The following SYN3 variants were observed in gnomAD, a reference collection of about 807,000 sequenced individuals.
SYN3 encodes the protein synapsin-3.
Under a neutral mutation model 65.8 loss-of-function variants are expected in SYN3, and 35 were observed. The ratio of observed to expected loss-of-function variants is 0.53; its 90% CI spans 0.41 to 0.70. The LOEUF (loss-of-function observed/expected upper bound fraction) is 0.70. Among genes scored for constraint, SYN3 ranks in the 30% least tolerant of loss-of-function variants. The pLI, the probability that SYN3 is intolerant of heterozygous loss-of-function variation, is 0.00. For synonymous variants in SYN3, 270 were observed against 292.9 expected, an observed-to-expected ratio of 0.92 and a Z score of 0.80; for missense variants, 680 against 749.0, an observed-to-expected ratio of 0.91 and a Z score of 1.08.
At chr22:32,673,532 G>A (rs757704525) in intron 6 of SYN3, among the ~76,000 whole-genome samples, 158 of 152,342 alleles carry the variant, frequency 1.0e-3, no homozygotes, top group Admixed American at 1.5e-3. Context: ...CAAGCCAACA[G>A]GCAGATCTGA....
Position 32,527,929 on chromosome 22 carries a change from G to T in SYN3, c.1307C>A (p.Pro436Gln). The change falls in exon 12 of 14, where the codon CCA becomes CAA. Residue 436 changes from proline (P) to glutamine (Q), a missense_variant. Coordinates refer to ENST00000358763, the MANE Select transcript of SYN3 (RefSeq NM_003490.4). ...GPQLGQPQPR[P>Q]PPQGGPRQAQ... is the part of the protein sequence containing the mutation. Reference sequence around the variant, plus strand: ...GTCCTGGGTCATACCTTGCGGAGGTGGGCGTGGCTGGGGCTGGCCTAGCTG... The same window carrying T: ...GTCCTGGGTCATACCTTGCGGAGGTTGGCGTGGCTGGGGCTGGCCTAGCTG... 1 of 1,590,094 alleles carries T rather than the reference G, an allele frequency of 6.3e-7. No individual in the cohort carries two copies. The highest frequency in any genetic ancestry group is 2.3e-5 in the East Asian group (1 of 43,566).
intron 4 of SYN3, among the ~76,000 whole-genome samples, chr22:32,896,643 A>G (rs1330728345): frequency 1.3e-5 from 2 of 152,238 alleles, no homozygotes; most frequent in Non-Finnish European, 2.9e-5. Flanking sequence ...GAACCAAATA[A>G]AATAGGAAAA....
chr22:32,687,938 T>G (rs2060613236), intron 6 of SYN3, among the ~76,000 whole-genome samples: 1 of 45,718 alleles, frequency 2.2e-5, no homozygotes, highest in South Asian at 1.2e-3. Flanking sequence ...ATCCTGTGAT[T>G]CCCCTTCACA....
At chr22:32,966,291 C>G (rs1474165654) in intron 3 of SYN3, among the ~76,000 whole-genome samples, 1 of 152,070 alleles carries the variant, frequency 6.6e-6, no homozygotes, top group Non-Finnish European at 1.5e-5. Flanking sequence ...GAATCTATGG[C>G]AAAATCTAAG....
At chr22:32,838,680 C>A in intron 6 of SYN3, among the ~76,000 whole-genome samples, 1 of 152,028 alleles carries the variant, frequency 6.6e-6, no homozygotes, top group East Asian at 1.9e-4. Context: ...TTTTACTTGT[C>A]CCTTCCTTTT....
chr22:32,811,478 T>C (rs2046913285), intron 6 of SYN3, among the ~76,000 whole-genome samples: 1 of 152,164 alleles, frequency 6.6e-6, no homozygotes, highest in African/African-American at 2.4e-5. Context: ...TCCAGGGTCA[T>C]ATAGAGAGAG....
chr22:32,630,912 A>C (rs1601799184), intron 6 of SYN3, among the ~76,000 whole-genome samples: 1 of 152,352 alleles, frequency 6.6e-6, no homozygotes, highest in Admixed American at 6.5e-5. Context: ...CCCACTGCTG[A>C]GCCTCTCAAA....
chr22:32,605,259 G>A (rs1470079101), intron 6 of SYN3, among the ~76,000 whole-genome samples: 1 of 152,120 alleles, frequency 6.6e-6, no homozygotes, highest in Non-Finnish European at 1.5e-5. Flanking sequence ...TCGAGTGGAA[G>A]GTTTGTTGGG....
intron 4 of SYN3, among the ~76,000 whole-genome samples, chr22:32,912,031 T>A (rs1016346123): frequency 6.6e-6 from 1 of 152,222 alleles, no homozygotes; most frequent in East Asian, 1.9e-4. Context: ...TTATAAGATG[T>A]AGCTTATCGT....
chr22:32,595,007 A>G (rs777020743), intron 7 of SYN3, among the ~76,000 whole-genome samples: 13 of 152,192 alleles, frequency 8.5e-5, no homozygotes, highest in Non-Finnish European at 1.8e-4. Flanking sequence ...AGTCCCCTCC[A>G]ATGTGAGTGG....
intron 3 of SYN3, among the ~76,000 whole-genome samples, chr22:32,948,564 G>A (rs1297741994): frequency 6.6e-6 from 1 of 151,822 alleles, no homozygotes; most frequent in Non-Finnish European, 1.5e-5. Flanking sequence ...GTGAAACCTC[G>A]TCTCTACTAA....
chr22:32,757,452 C>G (rs1370939533), intron 6 of SYN3, among the ~76,000 whole-genome samples: 1 of 152,120 alleles, frequency 6.6e-6, no homozygotes, highest in Non-Finnish European at 1.5e-5. Context: ...GGTGCGCCAC[C>G]ACGCCCAGCT....
intron 4 of SYN3, among the ~76,000 whole-genome samples, chr22:32,902,658 T>C (rs574076964): frequency 9.2e-5 from 14 of 152,226 alleles, no homozygotes; most frequent in Non-Finnish European, 1.9e-4. Context: ...GAGGCTTTTA[T>C]AAAACAAGCA....
chr22:32,890,799 C>G (rs2049424215), intron 4 of SYN3, among the ~76,000 whole-genome samples: 1 of 151,702 alleles, frequency 6.6e-6, no homozygotes, highest in Admixed American at 6.6e-5. Context: ...TTTATAATAA[C>G]TATATATATA....
At chr22:32,912,840 G>A (rs535273900) in intron 4 of SYN3, among the ~76,000 whole-genome samples, 42 of 152,338 alleles carry the variant, frequency 2.8e-4, no homozygotes, top group African/African-American at 9.9e-4. Flanking sequence ...CAAGGTTTGG[G>A]TGGAAGGAGT....
At chr22:32,564,663 G>A (rs762034273) in intron 7 of SYN3, among the ~76,000 whole-genome samples, 10 of 151,148 alleles carry the variant, frequency 6.6e-5, no homozygotes, top group Non-Finnish European at 1.5e-4. Flanking sequence ...TACACAAACA[G>A]TGCTCCCAGA....
At position 32,869,690 on chromosome 22, in the gene SYN3, GTTTTTTTTT is replaced by G. The variant is rs748620876; in HGVS notation, c.462-574_462-566del. On this transcript the variant is annotated intron_variant, in intron 4 of 13. Coordinates refer to ENST00000358763, the MANE Select transcript of SYN3 (RefSeq NM_003490.4). ...ATCTCAAATCAACCAACACATCTTGGTTTTTTTTTTTTTTTTTTTTTTCAAGTAGCAACC... is the reference window on the plus strand; with the variant it reads ...ATCTCAAATCAACCAACACATCTTGGTTTTTTTTTTTTTCAAGTAGCAACC... 3.5e-5 allele frequency among the ~76,000 whole-genome samples: 4 copies of G among 114,926 alleles called. No individual in the cohort carries two copies. In the Admixed American group the frequency reaches 4.2e-4, roughly 12 times the overall value. The allele number at this position is 114,926 out of a possible 152,430, so 75.4% of individuals were successfully genotyped here.
At chr22:33,029,023 G>C (rs903764972) in intron 1 of SYN3, among the ~76,000 whole-genome samples, 11 of 151,482 alleles carry the variant, frequency 7.3e-5, no homozygotes, top group Admixed American at 1.3e-4. Flanking sequence ...CTGGGTGACA[G>C]AGCGAGACTC....
intron 6 of SYN3, among the ~76,000 whole-genome samples, chr22:32,650,236 TCCCTCCCTCCCTCCCTCCC>T (rs1569124619): frequency 3.9e-4 from 32 of 82,018 alleles, no homozygotes; most frequent in African/African-American, 1.6e-3. Context: ...TCTCTCTCCC[TCCCTCCCTCCCTCCCTCCC>T]TCCCTCTCTC....
Sources: gnomAD v4.1 joint callset for allele counts (sites outside exome capture counted in the v4.1 genomes callset) on GRCh38, gnomAD v4.1.1 for gene constraint, MANE v1.5 for transcripts, NCBI Gene and HGNC (gene_info 2026-07-23, HGNC 2026-07-21) for gene names.